CDKAL1: variants seen among roughly 807,000 people sequenced by gnomAD.
CDKAL1 encodes the protein CDKAL1 threonylcarbamoyladenosine tRNA methylthiotransferase.
A neutral mutation model predicts 68.2 loss-of-function variants in CDKAL1; 32 were observed. The ratio of observed to expected loss-of-function variants is 0.47; its 90% CI spans 0.35 to 0.63. CDKAL1 has a LOEUF of 0.63. Among genes scored for constraint, CDKAL1 ranks in the 30% least tolerant of loss-of-function variants. The pLI, the probability that CDKAL1 is intolerant of heterozygous loss-of-function variation, is 0.00. For missense variants in CDKAL1, 606 were observed against 696.7 expected (o/e 0.87, Z 1.47); for synonymous variants, 234 against 244.3 (o/e 0.96, Z 0.39).
intron 9 of CDKAL1, among the ~76,000 whole-genome samples, chr6:20,935,640 G>T (rs1307919874): frequency 6.6e-6 from 1 of 151,996 alleles, no homozygotes; most frequent in African/African-American, 2.4e-5. Flanking sequence ...ATATTGGCCA[G>T]ACTGGTCTCG....
At chr6:20,870,418 TTC>T (rs1473360331) in intron 9 of CDKAL1, among the ~76,000 whole-genome samples, 10 of 152,232 alleles carry the variant, frequency 6.6e-5, no homozygotes, top group Non-Finnish European at 1.5e-5. Context: ...CCTATTATAT[TTC>T]TAGAAACTCA....
chr6:20,608,245 T>G (rs888709955), intron 4 of CDKAL1, among the ~76,000 whole-genome samples: 1 of 152,144 alleles, frequency 6.6e-6, no homozygotes, highest in Admixed American at 6.6e-5. Context: ...TTTCATTGAT[T>G]ATGAGAGTGA....
intron 4 of CDKAL1, among the ~76,000 whole-genome samples, chr6:20,557,057 ATAAAT>A (rs1561923482): frequency 1.5e-5 from 2 of 133,532 alleles, no homozygotes; most frequent in Non-Finnish European, 3.4e-5. Flanking sequence ...AAAAAAATAA[ATAAAT>A]AAATAAATAA....
At chr6:20,669,324 G>A (rs776622302) in intron 5 of CDKAL1, among the ~76,000 whole-genome samples, 8 of 152,100 alleles carry the variant, frequency 5.3e-5, no homozygotes, top group Non-Finnish European at 1.0e-4. Context: ...TGAGTGTAAA[G>A]AAGAGCTACA....
At chr6:20,858,696 T>C (rs1016926211) in intron 9 of CDKAL1, among the ~76,000 whole-genome samples, 1 of 152,208 alleles carries the variant, frequency 6.6e-6, no homozygotes, top group Admixed American at 6.5e-5. Context: ...TTCATTTTGA[T>C]ACATTTACAT....
At chr6:21,005,201 T>C (rs1426889331) in intron 11 of CDKAL1, among the ~76,000 whole-genome samples, 1 of 152,206 alleles carries the variant, frequency 6.6e-6, no homozygotes, top group African/African-American at 2.4e-5. Flanking sequence ...TCCCAGGGCC[T>C]TGAGGCATTA....
intron 11 of CDKAL1, among the ~76,000 whole-genome samples, chr6:21,039,718 T>C (rs1167156732): frequency 6.6e-6 from 1 of 152,238 alleles, no homozygotes; most frequent in African/African-American, 2.4e-5. Context: ...CAGAACAGTA[T>C]CATGCCTGTA....
In CDKAL1 at chr6:20,748,554, G is replaced by GAAA. The variant is rs1773762406; in HGVS notation, c.468+8939_468+8940insAAA. Among the ~76,000 whole-genome samples the GAAA allele has an allele frequency of 7.8e-5, 6 of 77,088 alleles. 1 individual carries two copies. The highest frequency in any genetic ancestry group is 2.4e-4 in the African/African-American group (5 of 21,014). The allele number at this position is 77,088 out of a possible 152,430, so 50.6% of individuals were successfully genotyped here. A position where few individuals can be genotyped will look rare whatever the true frequency, so the allele number is the denominator to read the frequency against. On this transcript the variant is annotated intron_variant, in intron 6 of 15. Transcript: ENST00000274695. ...GGAAAGAGAGCAAGACTCTGTTTCT[G>GAAA]GAAAAAAAAAAAAAAAAAAAAAAAA...
At chr6:20,711,983 C>A (rs1771867749) in intron 5 of CDKAL1, among the ~76,000 whole-genome samples, 1 of 152,172 alleles carries the variant, frequency 6.6e-6, no homozygotes, top group Non-Finnish European at 1.5e-5. Flanking sequence ...GATGCCATGA[C>A]TGACTTAGAC....
intron 12 of CDKAL1, among the ~76,000 whole-genome samples, chr6:21,090,613 A>C (rs1772951885): frequency 6.6e-6 from 1 of 152,162 alleles, no homozygotes; most frequent in South Asian, 2.1e-4. Flanking sequence ...TATATATGAA[A>C]GTATACATAA....
At chr6:20,938,421 C>T (rs976391458) in intron 9 of CDKAL1, among the ~76,000 whole-genome samples, 1 of 152,076 alleles carries the variant, frequency 6.6e-6, no homozygotes, top group African/African-American at 2.4e-5. Flanking sequence ...TTCATTGCTT[C>T]CGGGGTATCA....
chr6:20,805,386 A>G (rs1776530320), intron 8 of CDKAL1, among the ~76,000 whole-genome samples: 1 of 152,230 alleles, frequency 6.6e-6, no homozygotes, highest in African/African-American at 2.4e-5. Context: ...TGCAGTTACA[A>G]CTAACTCCAC....
intron 4 of CDKAL1, among the ~76,000 whole-genome samples, chr6:20,585,474 G>C (rs772179167): frequency 3.9e-5 from 6 of 152,132 alleles, no homozygotes; most frequent in Non-Finnish European, 7.4e-5. Flanking sequence ...AGGACCTGCT[G>C]CTTCTCTTTC....
intron 4 of CDKAL1, among the ~76,000 whole-genome samples, chr6:20,600,514 C>T (rs891615806): frequency 3.3e-5 from 5 of 151,924 alleles, no homozygotes; most frequent in Admixed American, 6.6e-5. Context: ...TCATTTAAAT[C>T]ATTATTTTTT....
At chr6:20,711,489 C>T (rs924041930) in intron 5 of CDKAL1, among the ~76,000 whole-genome samples, 12 of 152,058 alleles carry the variant, frequency 7.9e-5, no homozygotes, top group Non-Finnish European at 1.6e-4. Context: ...GGTAGCATGG[C>T]GGAATGATAA....
intron 13 of CDKAL1, among the ~76,000 whole-genome samples, chr6:21,173,842 AGAGTAATCCTT>A (rs1346359171): frequency 6.6e-6 from 1 of 152,184 alleles, no homozygotes; most frequent in Non-Finnish European, 1.5e-5. Context: ...GGCTGAGGCA[AGAGTAATCCTT>A]GAGGACAGGA....
At chr6:21,114,874 C>T (rs1774328138) in intron 13 of CDKAL1, among the ~76,000 whole-genome samples, 1 of 152,116 alleles carries the variant, frequency 6.6e-6, no homozygotes, top group African/African-American at 2.4e-5. Flanking sequence ...ATATATATTT[C>T]AATAATCACA....
At chr6:21,081,558 T>C (rs556250765) in intron 12 of CDKAL1, among the ~76,000 whole-genome samples, 1 of 151,860 alleles carries the variant, frequency 6.6e-6, no homozygotes, top group South Asian at 2.1e-4. Context: ...ATAAAGAACC[T>C]TATAATGATA....
intron 7 of CDKAL1, among the ~76,000 whole-genome samples, chr6:20,773,798 G>T (rs567636218): frequency 1.3e-5 from 2 of 152,172 alleles, no homozygotes; most frequent in East Asian, 3.9e-4. Context: ...TGCCCGCCTC[G>T]GCCTCCCAAA....
Sources: allele counts gnomAD v4.1 joint callset (sites outside exome capture counted in the v4.1 genomes callset), GRCh38; gene constraint gnomAD v4.1.1; transcripts MANE v1.5; gene names NCBI Gene and HGNC (gene_info 2026-07-23, HGNC 2026-07-21).